RARB: variants seen among roughly 807,000 people sequenced by gnomAD.
RARB encodes the protein HBV-activated protein.
A neutral mutation model predicts 51.9 loss-of-function variants in RARB; 17 were observed. That is an observed-to-expected ratio of 0.33 (90% CI 0.22 to 0.49). RARB has a LOEUF of 0.49. RARB is among the 20% of genes least tolerant of loss of function. RARB has a pLI of 0.99. For synonymous variants in RARB, 215 were observed against 195.4 expected, an observed-to-expected ratio of 1.10 and a Z score of -0.84; for missense variants, 369 against 550.8, an observed-to-expected ratio of 0.67 and a Z score of 3.30.
chr3:25,276,973 A>T (rs1309648442), intron 5 of RARB, among the ~76,000 whole-genome samples: 1 of 152,224 alleles, frequency 6.6e-6, no homozygotes, highest in Non-Finnish European at 1.5e-5. Flanking sequence ...AAAGGAAGAA[A>T]GAGTGAAAAT....
At chr3:24,931,995 A>T (rs553560357) in intron 2 of RARB, among the ~76,000 whole-genome samples, 1 of 152,218 alleles carries the variant, frequency 6.6e-6, no homozygotes, top group African/African-American at 2.4e-5. Flanking sequence ...TTTGATAGAA[A>T]AATAGAGGTG....
chr3:24,973,260 C>G (rs554240222), intron 2 of RARB, among the ~76,000 whole-genome samples: 1 of 151,982 alleles, frequency 6.6e-6, no homozygotes, highest in Non-Finnish European at 1.5e-5. Flanking sequence ...GTACTTGGCA[C>G]TTTTGTCAAA....
chr3:25,373,418 A>T (rs1706362298), intron 5 of RARB, among the ~76,000 whole-genome samples: 1 of 152,128 alleles, frequency 6.6e-6, no homozygotes, highest in Non-Finnish European at 1.5e-5. Flanking sequence ...AGCAGTGAGG[A>T]ACATGAGAAT....
chr3:24,839,228 C>T (rs975528276), intron 1 of RARB, among the ~76,000 whole-genome samples: 1 of 151,884 alleles, frequency 6.6e-6, no homozygotes, highest in African/African-American at 2.4e-5. Flanking sequence ...TTTGTTAATC[C>T]ATAGTAAAAA....
At chr3:24,924,650 T>A (rs1282777762) in intron 2 of RARB, among the ~76,000 whole-genome samples, 1 of 152,208 alleles carries the variant, frequency 6.6e-6, no homozygotes, top group Non-Finnish European at 1.5e-5. Context: ...TATGTAATAC[T>A]ATTGATGTCA....
At position 25,363,421 on chromosome 3, in the gene RARB, T is replaced by C. The variant is rs570838180; in HGVS notation, c.179-97772T>C. 2.6e-5 allele frequency among the ~76,000 whole-genome samples: 4 copies of C among 152,304 alleles called. No homozygotes were observed. In the East Asian group the frequency reaches 7.7e-4, roughly 29 times the overall value. ...CATGTCCAGAACTCAATTCCAGCCTTGCTCCTGAAAACCTTCTTTCCTACA... is the reference window on the plus strand; with the variant it reads ...CATGTCCAGAACTCAATTCCAGCCTCGCTCCTGAAAACCTTCTTTCCTACA... On this transcript the variant is annotated intron_variant, in intron 5 of 11. Transcript: ENST00000383772.
At chr3:25,181,988 A>G (rs1700870862) in intron 5 of RARB, among the ~76,000 whole-genome samples, 1 of 152,250 alleles carries the variant, frequency 6.6e-6, no homozygotes, top group Admixed American at 6.5e-5. Context: ...ACACATTGAA[A>G]TAACCATTAC....
chr3:25,130,511 T>A (rs1699928524), intron 3 of RARB, among the ~76,000 whole-genome samples: 1 of 151,994 alleles, frequency 6.6e-6, no homozygotes, highest in Non-Finnish European at 1.5e-5. Context: ...GCCAGATTAG[T>A]AATGGACCAC....
intron 2 of RARB, among the ~76,000 whole-genome samples, chr3:24,979,793 C>T (rs565779052): frequency 5.3e-5 from 8 of 152,086 alleles, no homozygotes; most frequent in South Asian, 2.1e-4. Context: ...AATATTGTTA[C>T]GTGTGAATTT....
chr3:25,590,003 G>T (rs1328582856), intron 5 of RARB, among the ~76,000 whole-genome samples: 2 of 152,240 alleles, frequency 1.3e-5, no homozygotes. Context: ...GCAGTGAGAA[G>T]GATGCCTGTT....
intron 5 of RARB, among the ~76,000 whole-genome samples, chr3:25,336,361 C>T (rs1043276728): frequency 1.3e-5 from 2 of 152,066 alleles, no homozygotes; most frequent in African/African-American, 4.8e-5. Flanking sequence ...CCACAGATAA[C>T]TTCAGTACTT....
intron 3 of RARB, among the ~76,000 whole-genome samples, chr3:25,095,721 G>C (rs1041928321): frequency 6.6e-6 from 1 of 152,126 alleles, no homozygotes. Flanking sequence ...GGTGGCCAGA[G>C]TATTACACCA....
chr3:24,912,695 C>G (rs1470790707), intron 2 of RARB, among the ~76,000 whole-genome samples: 5 of 152,102 alleles, frequency 3.3e-5, no homozygotes, highest in Admixed American at 1.3e-4. Flanking sequence ...AAAAATCTTT[C>G]TACATGATTA....
At chr3:24,928,018 G>C (rs55807794) in intron 2 of RARB, among the ~76,000 whole-genome samples, 1,697 of 152,144 alleles carry the variant, frequency 0.011, 32 homozygotes, top group African/African-American at 0.035. Context: ...AATAGGAAAG[G>C]AGACACCCAA....
chr3:25,345,696 G>T (rs1301784404), intron 5 of RARB, among the ~76,000 whole-genome samples: 2 of 150,464 alleles, frequency 1.3e-5, no homozygotes, highest in Non-Finnish European at 3.0e-5. Flanking sequence ...ATTCATCAAA[G>T]GACTAAATTT....
At chr3:25,455,682 G>A (rs917939220) in intron 1 of RARB, among the ~76,000 whole-genome samples, 1 of 152,168 alleles carries the variant, frequency 6.6e-6, no homozygotes, top group Non-Finnish European at 1.5e-5. Flanking sequence ...GGTGCTGACT[G>A]TGCTCTGGGC....
At chr3:25,455,483 A>G (rs868249335) in intron 1 of RARB, among the ~76,000 whole-genome samples, 17 of 152,230 alleles carry the variant, frequency 1.1e-4, no homozygotes, top group Non-Finnish European at 2.2e-4. Context: ...AATTTATTGT[A>G]CAAGGAAGGG....
intron 2 of RARB, among the ~76,000 whole-genome samples, chr3:25,481,415 T>C (rs919656307): frequency 1.3e-5 from 2 of 152,234 alleles, no homozygotes; most frequent in Non-Finnish European, 2.9e-5. Flanking sequence ...TTTTTCTGCA[T>C]TTAAAAATTT....
chr3:25,524,992 G>C (rs943286459), intron 3 of RARB, among the ~76,000 whole-genome samples: 3 of 151,928 alleles, frequency 2.0e-5, no homozygotes, highest in African/African-American at 7.3e-5. Flanking sequence ...GCCTCCCAAA[G>C]TGCTGGGATT....
Sources: allele counts gnomAD v4.1 joint callset (sites outside exome capture counted in the v4.1 genomes callset), GRCh38; gene constraint gnomAD v4.1.1; transcripts MANE v1.5; gene names NCBI Gene and HGNC (gene_info 2026-07-23, HGNC 2026-07-21).